CIAO3: variants seen among roughly 807,000 people sequenced by gnomAD.
CIAO3 encodes the protein LET1 like/JFP15.
CIAO3 carries 45 observed loss-of-function variants against 51.5 expected under a neutral mutation model. The observed-to-expected ratio is 0.87, with a 90% CI of 0.69 to 1.12. The LOEUF is 1.12. CIAO3 is among the 50% of genes most tolerant of loss of function. The probability of loss-of-function intolerance (pLI) is 0.00; values close to 1 mark genes in which losing one functional copy is unlikely to be tolerated. For missense variants in CIAO3, 668 were observed against 632.5 expected (o/e 1.06, Z -0.60); for synonymous variants, 314 against 269.3 (o/e 1.17, Z -1.63).
rs1372509427 is a variant in CIAO3, at chr16:733,295, C to T, written c.823+3G>A. The T allele has an allele frequency of 1.9e-6, 3 of 1,613,204 alleles. No homozygotes were observed. The highest frequency in any genetic ancestry group is 2.5e-6 in the Non-Finnish European group (3 of 1,179,942). On this transcript the variant is annotated splice_donor_region_variant and intron_variant, in intron 7 of 10. Transcript: ENST00000251588. ...GGCTCAGGGCCGCACGGCGTGACCG[C>T]ACCTGTTGTGAGGACACAGTCCACA...
intron 5 of CIAO3, 60 bp from the exon 6 acceptor site, chr16:734,407 GGCA>G: frequency 2.4e-6 from 3 of 1,258,240 alleles, no homozygotes; most frequent in East Asian, 2.3e-5. Context: ...CGCACCCACA[GGCA>G]GCAGCACGAC....
chr16:739,322 CA>C (rs1437662041), intron 2 of CIAO3: 5 of 321,802 alleles, frequency 1.6e-5, no homozygotes, highest in Admixed American at 5.0e-5. Flanking sequence ...AACAAACAAA[CA>C]AAAGAACGAG....
intron 7 of CIAO3, chr16:732,576 GTGCCAGCGGC>G (rs2151600880): frequency 1.5e-6 from 1 of 677,906 alleles, no homozygotes. Context: ...CCAGGGAGGT[GTGCCAGCGGC>G]CAGGCCACTC....
chr16:734,773 T>C lies in CIAO3; in HGVS notation c.538A>G (p.Arg180Gly), dbSNP rs1401873184. 4 of 1,611,342 alleles carry C rather than the reference T, an allele frequency of 2.5e-6. No homozygotes were observed. In the South Asian group the frequency reaches 4.4e-5, roughly 18 times the overall value. The change falls in exon 5 of 11, where the codon AGA becomes GGA. Residue 180 changes from arginine to glycine, a missense_variant. Physicochemically the swap from Arg to Gly is moderately radical, Grantham distance 125 (BLOSUM62 -2). Transcript: ENST00000251588. Reference protein sequence around the residue: ...VRRFRGQADCRQALPLLASAC... With the variant: ...VRRFRGQADCGQALPLLASAC... ...GAGGCCAGCAGGGGCAGCGCCTGTC[T>C]GCAGTCGGCCTGTCCTCGGAATCGC...
At chr16:740,630 C>G in intron 1 of CIAO3, 1 of 498,752 alleles carries the variant, frequency 2.0e-6, no homozygotes, top group Non-Finnish European at 3.6e-6. Flanking sequence ...GGCAGGCCGG[C>G]GCGAGCCCGC....
At chr16:736,675 GT>G (rs201848637) in intron 3 of CIAO3, among the ~76,000 whole-genome samples, 1 of 150,838 alleles carries the variant, frequency 6.6e-6, no homozygotes, top group Non-Finnish European at 1.5e-5. Flanking sequence ...CAAGGGTATC[GT>G]TTTTTTTTGA....
chr16:736,452 G>C, intron 3 of CIAO3, 54 bp from the exon 4 acceptor site: 3 of 1,606,680 alleles, frequency 1.9e-6, no homozygotes, highest in Non-Finnish European at 2.5e-6. Flanking sequence ...GCTGATTCCT[G>C]GTGGCCAGAG....
At chr16:740,462 A>G in intron 1 of CIAO3, 1 of 296,654 alleles carries the variant, frequency 3.4e-6, no homozygotes, top group Non-Finnish European at 6.7e-6. Flanking sequence ...GCAGATGCAA[A>G]GGCTGTGGCT....
At chr16:731,048 C>T (rs201810964) in intron 9 of CIAO3, 48 bp from the exon 10 acceptor site, 8 of 1,602,514 alleles carry the variant, frequency 5.0e-6, no homozygotes, top group Non-Finnish European at 6.8e-6. Context: ...CCACCAGGCT[C>T]CTGCCTGCCT....
Position 737,797 on chromosome 16 carries a change from G to C in CIAO3, c.163-468C>G, listed in dbSNP as rs1346247424. 1.7e-6 allele frequency: 2 copies of C among 1,203,508 alleles called. No homozygotes were observed. The highest frequency in any genetic ancestry group is 2.1e-6 in the Non-Finnish European group (2 of 947,914). 74.6% of individuals were successfully genotyped at this position (1,203,508 alleles called of 1,614,324 possible). A position where few individuals can be genotyped will look rare whatever the true frequency, so the allele number is the denominator to read the frequency against. On this transcript the variant is annotated intron_variant, in intron 2 of 10. Coordinates refer to ENST00000251588, the MANE Select transcript of CIAO3 (RefSeq NM_022493.3). The surrounding 1 kb of genome is among the most constrained non-coding windows in gnomAD (Gnocchi z 5.3). ...AAGCCTGGGAGCCTGGCCTCCGGTGGGCGGGGCAGAAACAACCGTCAGACT... is the reference window on the plus strand; with the variant it reads ...AAGCCTGGGAGCCTGGCCTCCGGTGCGCGGGGCAGAAACAACCGTCAGACT...
At position 737,570 on chromosome 16, in the gene CIAO3, T is replaced by G; in HGVS notation, c.163-241A>C. ...GGTTAGTGCATCCGAATCACAGGAC[T>G]AAGGCTTGCCACTGGTATCTCAGCA... On this transcript the variant is annotated intron_variant, in intron 2 of 10. Coordinates refer to ENST00000251588, the MANE Select transcript of CIAO3 (RefSeq NM_022493.3). This position sits in a 1 kb window ranked among gnomAD's most constrained non-coding sequence, Gnocchi z 5.3. The G allele has an allele frequency of 6.8e-7, 1 of 1,474,212 alleles. No homozygotes were observed. The highest frequency in any genetic ancestry group is 2.8e-5 in the East Asian group (1 of 35,192). 91.3% of individuals were successfully genotyped at this position (1,474,212 alleles called of 1,614,324 possible).
At position 730,481 on chromosome 16, in the gene CIAO3, C is replaced by A. The variant is rs778425484; in HGVS notation, c.1367G>T (p.Arg456Leu). The change falls in exon 11 of 11, where the codon CGC (arginine) becomes CTC (leucine). Residue 456 changes from arginine to leucine, a missense_variant. Physicochemically the swap from Arg to Leu is moderately radical, Grantham distance 102 (BLOSUM62 -2). Coordinates refer to ENST00000251588, the MANE Select transcript of CIAO3 (RefSeq NM_022493.3). ...GGCGTGGTACTGCGTATGCAGCAAGCGACCTGCACACTCCGAGTCCGTGCC... is the reference window on the plus strand; with the variant it reads ...GGCGTGGTACTGCGTATGCAGCAAGAGACCTGCACACTCCGAGTCCGTGCC... Reference protein sequence around the residue: ...LQGTDSECAGRLLHTQYHAVE... With the variant: ...LQGTDSECAGLLLHTQYHAVE... The A allele has an allele frequency of 2.5e-6, 4 of 1,608,698 alleles. No individual in the cohort carries two copies. In the South Asian group the frequency reaches 4.4e-5, roughly 18 times the overall value.
rs374955438 is a variant in CIAO3, at chr16:730,556, G to A, written c.1292C>T (p.Ala431Val). 16 of 1,610,738 alleles carry A rather than the reference G, an allele frequency of 9.9e-6. No individual in the cohort carries two copies. The Middle Eastern group carries it at 4.9e-4, about 50-fold the overall frequency. ...ERLYGMVRAE[A>V]PEDAPGVQEL... is the part of the protein sequence containing the mutation. ...CTGAACCCCAGGCGCGTCCTCGGGCGCCTCAGCCCGGACCATGCCGTACAG... is the reference window on the plus strand; with the variant it reads ...CTGAACCCCAGGCGCGTCCTCGGGCACCTCAGCCCGGACCATGCCGTACAG... Residue 431 changes from alanine to valine, a missense_variant, in exon 11 of 11, where the codon GCG becomes GTG. Physicochemically the swap from Ala to Val is moderately conservative, Grantham distance 64 (BLOSUM62 0). Coordinates refer to ENST00000251588, the MANE Select transcript of CIAO3 (RefSeq NM_022493.3).
chr16:736,904 T>C (rs1200114864), intron 3 of CIAO3: 5 of 436,094 alleles, frequency 1.1e-5, no homozygotes, highest in Non-Finnish European at 2.1e-5. Flanking sequence ...CCTCAGGTGA[T>C]CCACCCGGCT....
intron 2 of CIAO3, chr16:738,246 C>T (rs895565759): frequency 4.0e-6 from 4 of 987,868 alleles, no homozygotes; most frequent in Non-Finnish European, 4.8e-6. Context: ...GTGGGCTGGG[C>T]CCCCAGTGCT....
At position 729,782 on chromosome 16, in the gene CIAO3, G is replaced by A. The variant is rs912009909; in HGVS notation, c.*635C>T. On this transcript the variant is annotated 3_prime_UTR_variant, in exon 11 of 11. Coordinates refer to ENST00000251588, the MANE Select transcript of CIAO3 (RefSeq NM_022493.3). ...CGTAGGCGTGTTTTAGGAGGGGTGC[G>A]TTTATTAGACAAACGCTGGGAGACA... 3.4e-5 allele frequency: 42 copies of A among 1,240,638 alleles called. No individual in the cohort carries two copies. Among genetic ancestry groups the A allele is most frequent in the Middle Eastern group, 3.0e-4 (1 of 3,350 alleles). 76.9% of individuals were successfully genotyped at this position (1,240,638 alleles called of 1,614,324 possible).
chr16:739,355 A>G (rs2041369711), intron 2 of CIAO3: 1 of 450,286 alleles, frequency 2.2e-6, no homozygotes, highest in East Asian at 4.2e-5. Flanking sequence ...AGAAAATCTT[A>G]CATGGTTAGA....
At chr16:736,043 G>C (rs1037880978) in intron 4 of CIAO3, among the ~76,000 whole-genome samples, 1 of 152,220 alleles carries the variant, frequency 6.6e-6, no homozygotes, top group East Asian at 1.9e-4. Context: ...CCCCAGCTTA[G>C]AGAAAGTGCA....
In CIAO3 at chr16:730,097, C is replaced by T; in HGVS notation, c.*320G>A. On this transcript the variant is annotated 3_prime_UTR_variant, in exon 11 of 11. Coordinates refer to ENST00000251588, the MANE Select transcript of CIAO3 (RefSeq NM_022493.3). The stretch of plus-strand genomic sequence containing the variant: ...GGGACAGGCTGAAGCCCCTCACGCA[C>T]TTGGGTGCCCGACCAGCAGCAGCAA... The T allele has an allele frequency of 2.1e-6, 1 of 479,404 alleles. No individual in the cohort carries two copies. Among genetic ancestry groups the T allele is most frequent in the Non-Finnish European group, 3.8e-6 (1 of 264,814 alleles). 29.7% of individuals were successfully genotyped at this position (479,404 alleles called of 1,614,324 possible).
Sources: gnomAD v4.1 joint callset for allele counts (sites outside exome capture counted in the v4.1 genomes callset) on GRCh38, gnomAD v4.1.1 for gene constraint, Gnocchi (gnomAD v3.1) non-coding constraint, MANE v1.5 for transcripts, NCBI Gene and HGNC (gene_info 2026-07-23, HGNC 2026-07-21) for gene names.